The following IKBKB variants were observed in gnomAD, a reference collection of about 807,000 sequenced individuals.
The protein encoded by IKBKB is inhibitor of nuclear factor kappa-B kinase subunit beta.
In IKBKB, 42 loss-of-function variants were observed where a neutral mutation model predicts 113.6. The ratio of observed to expected loss-of-function variants is 0.37; its 90% CI spans 0.29 to 0.48. IKBKB has a LOEUF of 0.48. Ranked by LOEUF, IKBKB falls within the 20% of genes least tolerant of loss-of-function variation. The probability of loss-of-function intolerance (pLI) is 0.99; values close to 1 mark genes in which losing one functional copy is unlikely to be tolerated. For missense variants in IKBKB, 673 were observed against 939.7 expected (o/e 0.72, Z 3.71); for synonymous variants, 296 against 361.3 (o/e 0.82, Z 2.05).
At chr8:42,302,361 TG>T (rs961890069) in intron 5 of IKBKB, among the ~76,000 whole-genome samples, 1 of 152,194 alleles carries the variant, frequency 6.6e-6, no homozygotes, top group African/African-American at 2.4e-5. Context: ...GGACATTAAT[TG>T]GACCTAAGCT....
chr8:42,317,721 A>G lies in IKBKB; in HGVS notation c.1190A>G (p.Tyr397Cys), dbSNP rs148097786. The G allele has an allele frequency of 2.0e-5, 33 of 1,613,944 alleles. 1 individual carries two copies. The highest frequency in any genetic ancestry group is 1.6e-4 in the South Asian group (15 of 91,090). The stretch of plus-strand genomic sequence containing the variant: ...CTCTTTGACAACAGTAAAATCACCT[A>G]TGAGACTCAGATCTCCCCACGGCCC... The part of the protein sequence containing the change: ...VFLFDNSKIT[Y>C]ETQISPRPQP... Residue 397 changes from tyrosine (Y) to cysteine (C), a missense_variant, in exon 12 of 22, where the codon TAT becomes TGT. Around this residue, in one of 2 missense-constraint regions of IKBKB, gnomAD observed 506 missense variants for 638.7 expected, o/e 0.79. Transcript: ENST00000520810.
intron 5 of IKBKB, among the ~76,000 whole-genome samples, chr8:42,301,427 A>G (rs1332158591): frequency 1.3e-5 from 2 of 152,220 alleles, no homozygotes; most frequent in Non-Finnish European, 2.9e-5. Context: ...ATTTTGATTC[A>G]TTTCACTTTA....
At chr8:42,292,829 T>C (rs1160592934) in intron 4 of IKBKB, among the ~76,000 whole-genome samples, 1 of 152,210 alleles carries the variant, frequency 6.6e-6, no homozygotes, top group Non-Finnish European at 1.5e-5. Context: ...CTGTGTGAGC[T>C]GACAGGTATC....
intron 8 of IKBKB, 100 bp downstream of exon 8, chr8:42,309,125 A>G (rs1297388372): frequency 7.5e-7 from 1 of 1,331,596 alleles, no homozygotes; most frequent in African/African-American, 1.5e-5. Flanking sequence ...GGCCTGGGAG[A>G]TCTGTGTTGT....
At chr8:42,305,355 A>G (rs1563335199) in intron 6 of IKBKB, 80 bp downstream of exon 6, 3 of 812,058 alleles carry the variant, frequency 3.7e-6, no homozygotes, top group Non-Finnish European at 4.3e-6. Context: ...CACACTCTGC[A>G]TATTTGTGTG....
chr8:42,292,698 A>G (rs1007870696), intron 4 of IKBKB, among the ~76,000 whole-genome samples: 4 of 152,166 alleles, frequency 2.6e-5, no homozygotes, highest in Non-Finnish European at 5.9e-5. Flanking sequence ...CTCGGAGGCC[A>G]GCTCCCAGCA....
Position 42,318,639 on chromosome 8 carries a change from A to T in IKBKB, c.1328A>T (p.Asp443Val). Residue 443 changes from aspartate (D) to valine (V), a missense_variant, in exon 13 of 22, where the codon GAT becomes GTT. By Grantham distance (152) the Asp-to-Val change is radical. This residue lies in a region of IKBKB where 506 missense variants were observed against 638.7 expected (regional missense o/e 0.79). Transcript: ENST00000520810. ...CACAGCATCCAGACCCTGAAGGAAG[A>T]TTGCAACCGGCTGCAGCAGGGACAG... ...VWHSIQTLKEDCNRLQQGQRA... is the reference protein window; with the variant it reads ...VWHSIQTLKEVCNRLQQGQRA... 1.9e-6 allele frequency: 3 copies of T among 1,613,764 alleles called. No individual in the cohort carries two copies. The highest frequency in any genetic ancestry group is 2.5e-6 in the Non-Finnish European group (3 of 1,179,690).
chr8:42,320,801 A>G lies in IKBKB; in HGVS notation c.1645A>G (p.Arg549Gly). 1 of 1,609,142 alleles carries G rather than the reference A, an allele frequency of 6.2e-7. No homozygotes were observed. Among genetic ancestry groups the G allele is most frequent in the Non-Finnish European group, 8.5e-7 (1 of 1,177,546 alleles). The change falls in exon 16 of 22, where the codon AGG (arginine) becomes GGG (glycine). Residue 549 changes from arginine (R) to glycine (G), a missense_variant. Physicochemically the swap from Arg to Gly is moderately radical, Grantham distance 125. Coordinates refer to ENST00000520810, the MANE Select transcript of IKBKB (RefSeq NM_001556.3). ...ALQTDIVDLQ[R>G]SPMGRKQGGT... ...GCAGACCGACATTGTGGACTTACAG[A>G]GGAGCCCCATGGGCCGGAAGCAGGG...
At chr8:42,319,752 G>T in intron 15 of IKBKB, 106 bp downstream of exon 15, 1 of 976,600 alleles carries the variant, frequency 1.0e-6, no homozygotes, top group South Asian at 1.7e-5. Context: ...TCAAAAATCA[G>T]GTGTTCCTCA....
At chr8:42,320,554 A>G in intron 15 of IKBKB, 181 bp from the exon 16 acceptor site, 1 of 538,566 alleles carries the variant, frequency 1.9e-6, no homozygotes, top group South Asian at 2.3e-5. Flanking sequence ...ACACAGCTAG[A>G]AAGCGGTGGA....
Position 42,327,283 on chromosome 8 carries a change from C to T in IKBKB, c.2114+1186C>T, listed in dbSNP as rs141531943. Among the ~76,000 whole-genome samples the T allele has an allele frequency of 2.6e-3, 394 of 149,334 alleles. 6 individuals carry two copies. The highest frequency in any genetic ancestry group is 8.8e-3 in the African/African-American group (358 of 40,740). On this transcript the variant is annotated intron_variant, in intron 20 of 21. Coordinates refer to ENST00000520810, the MANE Select transcript of IKBKB (RefSeq NM_001556.3). ...CCAAGGCAGGAGGTTCGCAGGAGTT[C>T]GAGGCAAGTCTCCTGGGCAACATGG...
At chr8:42,322,179 G>T in intron 18 of IKBKB, 26 bp downstream of exon 18, 1 of 1,597,914 alleles carries the variant, frequency 6.3e-7, no homozygotes, top group Non-Finnish European at 8.6e-7. Flanking sequence ...TTCCTGCTCT[G>T]GAGGAAGGAC....
At chr8:42,277,625 C>G (rs1014111303) in intron 2 of IKBKB, among the ~76,000 whole-genome samples, 2 of 152,218 alleles carry the variant, frequency 1.3e-5, no homozygotes, top group Admixed American at 1.3e-4. Flanking sequence ...TCTTGCCGGA[C>G]AGGCCTCCCC....
At chr8:42,291,619 G>A (rs1812660093) in intron 4 of IKBKB, among the ~76,000 whole-genome samples, 1 of 152,210 alleles carries the variant, frequency 6.6e-6, no homozygotes, top group Admixed American at 6.5e-5. Context: ...ACACACTTCA[G>A]GTGCTGTTCT....
intron 4 of IKBKB, among the ~76,000 whole-genome samples, chr8:42,290,777 C>T (rs1415623108): frequency 2.0e-5 from 3 of 152,146 alleles, no homozygotes; most frequent in Non-Finnish European, 4.4e-5. Flanking sequence ...CGCCCCAATC[C>T]ATCCGATCCA....
Position 42,305,185 on chromosome 8 carries a change from A to G in IKBKB, c.389-2A>G. The stretch of plus-strand genomic sequence containing the variant: ...AGAAAAACTCACCCCCCTCTTCCTC[A>G]GCCTCTGCGCTTAGATACCTTCATG... On this transcript the variant is annotated splice_acceptor_variant, in intron 5 of 21. Coordinates refer to ENST00000520810, the MANE Select transcript of IKBKB (RefSeq NM_001556.3). LOFTEE classifies it high-confidence loss of function. 1 of 1,611,994 alleles carries G rather than the reference A, an allele frequency of 6.2e-7. No individual in the cohort carries two copies. Among genetic ancestry groups the G allele is most frequent in the Non-Finnish European group, 8.5e-7 (1 of 1,178,122 alleles).
At chr8:42,312,840 T>C (rs1188781575) in intron 8 of IKBKB, among the ~76,000 whole-genome samples, 1 of 152,236 alleles carries the variant, frequency 6.6e-6, no homozygotes, top group East Asian at 1.9e-4. Flanking sequence ...GAGAATTGTT[T>C]GGAGCAAAGC....
At chr8:42,291,307 G>A (rs1425167719) in intron 4 of IKBKB, among the ~76,000 whole-genome samples, 1 of 151,946 alleles carries the variant, frequency 6.6e-6, no homozygotes, top group East Asian at 1.9e-4. Context: ...TCACCCTCCC[G>A]AGTAGCTGGG....
At chr8:42,290,528 A>C (rs1251601401) in intron 4 of IKBKB, among the ~76,000 whole-genome samples, 3 of 152,082 alleles carry the variant, frequency 2.0e-5, no homozygotes, top group Admixed American at 2.0e-4. Context: ...GGATTACTCC[A>C]ATGACAAGGA....
Sources: gnomAD v4.1 joint callset for allele counts (sites outside exome capture counted in the v4.1 genomes callset) on GRCh38, gnomAD v4.1.1 for gene constraint, gnomAD v4.1.1 regional missense constraint, MANE v1.5 for transcripts, NCBI Gene and HGNC (gene_info 2026-07-23, HGNC 2026-07-21) for gene names.